The following NBAS variants were observed in gnomAD, a reference collection of about 807,000 sequenced individuals.
NBAS encodes NAG/BC035112 fusion.
NBAS carries 219 observed loss-of-function variants against 302.5 expected under a neutral mutation model. The observed-to-expected ratio is 0.72, with a 90% confidence interval of 0.65 to 0.81. The LOEUF is 0.81. Ranked by LOEUF, NBAS falls within the 30% of genes least tolerant of loss-of-function variation. The probability of loss-of-function intolerance (pLI) is 0.00; values close to 1 mark genes in which losing one functional copy is unlikely to be tolerated. For missense variants in NBAS, 2,932 were observed against 2,841.6 expected (o/e 1.03, Z -0.72); for synonymous variants, 1,118 against 1,021.6 (o/e 1.09, Z -1.80).
At chr2:14,784,664 T>C in the NBAS span, among the ~76,000 whole-genome samples, 4 of 152,200 alleles carry the variant, frequency 2.6e-5, no homozygotes, top group Non-Finnish European at 5.9e-5. Context: ...CTCTGTTCTG[T>C]TCCATTGATA....
chr2:15,086,485 G>A, the NBAS span, among the ~76,000 whole-genome samples: 2 of 152,340 alleles, frequency 1.3e-5, no homozygotes, highest in Admixed American at 6.5e-5. Context: ...CACAAACAGG[G>A]CTGAGACATG....
chr2:15,077,477 G>A, the NBAS span, among the ~76,000 whole-genome samples: 2 of 152,288 alleles, frequency 1.3e-5, no homozygotes, highest in South Asian at 4.1e-4. Context: ...TGGGCACTGA[G>A]AATAGAGTGA....
At chr2:15,164,493 T>C (rs1663968909), downstream of NBAS, among the ~76,000 whole-genome samples, 1 of 152,204 alleles carries the variant, frequency 6.6e-6, no homozygotes, top group African/African-American at 2.4e-5. Flanking sequence ...GAGAGAGGCC[T>C]CCCAGTGCTC....
chr2:14,918,745 A>G, the NBAS span, among the ~76,000 whole-genome samples: 1 of 152,142 alleles, frequency 6.6e-6, no homozygotes, highest in Non-Finnish European at 1.5e-5. Context: ...AAAGCTCACC[A>G]TGGCTGCAGT....
chr2:14,798,752 A>C, the NBAS span, among the ~76,000 whole-genome samples: 1 of 152,086 alleles, frequency 6.6e-6, no homozygotes. Context: ...ATCTTAAAAA[A>C]ATATATATGG....
the NBAS span, among the ~76,000 whole-genome samples, chr2:15,138,022 C>T: frequency 2.0e-5 from 3 of 152,222 alleles, no homozygotes; most frequent in Middle Eastern, 3.4e-3. Context: ...AACAGCACTC[C>T]CCATTTTCCA....
intron 6 of NBAS, among the ~76,000 whole-genome samples, chr2:15,548,038 A>T (rs944770089): frequency 6.6e-6 from 1 of 152,220 alleles, no homozygotes; most frequent in African/African-American, 2.4e-5. Flanking sequence ...AAATTTATAC[A>T]TGGATCTCTA....
chr2:15,470,452 A>G (rs1216299265), intron 16 of NBAS, among the ~76,000 whole-genome samples: 2 of 152,222 alleles, frequency 1.3e-5, no homozygotes, highest in African/African-American at 4.8e-5. Flanking sequence ...GAGCTCATTT[A>G]TCCATAAAAT....
chr2:15,114,952 G>A, the NBAS span, among the ~76,000 whole-genome samples: 1 of 152,182 alleles, frequency 6.6e-6, no homozygotes, highest in Non-Finnish European at 1.5e-5. Flanking sequence ...TTGCCTTTGG[G>A]AGAATGAGCC....
At chr2:15,203,551 G>A (rs1301936182) in intron 48 of NBAS, among the ~76,000 whole-genome samples, 1 of 152,092 alleles carries the variant, frequency 6.6e-6, no homozygotes, top group Non-Finnish European at 1.5e-5. Flanking sequence ...GGCAACCAAT[G>A]AATTATGTCT....
the NBAS span, among the ~76,000 whole-genome samples, chr2:15,033,319 C>T: frequency 6.6e-6 from 1 of 152,196 alleles, no homozygotes; most frequent in African/African-American, 2.4e-5. Context: ...TTTTGTTTCA[C>T]ACATTCACAG....
At chr2:14,953,427 G>A in the NBAS span, among the ~76,000 whole-genome samples, 1 of 152,342 alleles carries the variant, frequency 6.6e-6, no homozygotes, top group African/African-American at 2.4e-5. Flanking sequence ...TAAGAGCATT[G>A]CACAAAGCAA....
chr2:15,530,973 T>C (rs576742311), intron 9 of NBAS, among the ~76,000 whole-genome samples: 5 of 152,014 alleles, frequency 3.3e-5, no homozygotes, highest in Admixed American at 3.3e-4. Flanking sequence ...TATATTACAA[T>C]GACATTCTCA....
Position 15,213,851 on chromosome 2 carries a change from G to A in NBAS, c.6432+4922C>T, listed in dbSNP as rs1243528039. On this transcript the variant is annotated intron_variant, in intron 48 of 51. Transcript: ENST00000281513. ...AAATATTTGCAGGACCAATTAAAACGGATGTTCTGTCAACTTTAATCATTT... is the reference window on the plus strand; with the variant it reads ...AAATATTTGCAGGACCAATTAAAACAGATGTTCTGTCAACTTTAATCATTT... Among the ~76,000 whole-genome samples, 9 of 152,114 alleles carry A rather than the reference G, an allele frequency of 5.9e-5. No homozygotes were observed. In the South Asian group the frequency reaches 6.2e-4, roughly 11 times the overall value.
At chr2:15,523,870 C>A (rs142449293) in intron 9 of NBAS, among the ~76,000 whole-genome samples, 4 of 152,130 alleles carry the variant, frequency 2.6e-5, no homozygotes, top group Non-Finnish European at 5.9e-5. Flanking sequence ...GCCGAGATCA[C>A]GCCACTGCAC....
the NBAS span, among the ~76,000 whole-genome samples, chr2:15,061,855 G>A: frequency 4.3e-4 from 66 of 152,318 alleles, no homozygotes; most frequent in Admixed American, 2.3e-3. Flanking sequence ...TTTCACAGGC[G>A]AAGATAAGCA....
At chr2:15,357,728 A>G (rs1011872363) in intron 32 of NBAS, among the ~76,000 whole-genome samples, 5 of 152,280 alleles carry the variant, frequency 3.3e-5, no homozygotes, top group South Asian at 2.1e-4. Flanking sequence ...ACAATTTACA[A>G]TATCTTTAAA....
chr2:14,867,540 T>C, the NBAS span, among the ~76,000 whole-genome samples: 4 of 152,298 alleles, frequency 2.6e-5, no homozygotes, highest in Admixed American at 1.3e-4. Context: ...CTCCTCCATC[T>C]TACAATTCTA....
chr2:15,219,456 G>A (rs1331693865), intron 47 of NBAS, among the ~76,000 whole-genome samples: 12 of 140,784 alleles, frequency 8.5e-5, no homozygotes, highest in Non-Finnish European at 1.4e-4. Context: ...GTTTTCCTAG[G>A]CAGAGGACCC....
Sources: allele counts gnomAD v4.1 joint callset (sites outside exome capture counted in the v4.1 genomes callset), GRCh38; gene constraint gnomAD v4.1.1; transcripts MANE v1.5; gene names NCBI Gene and HGNC (gene_info 2026-07-23, HGNC 2026-07-21).